Variants in MAST4 observed in about 807,000 individuals in gnomAD.
MAST4 encodes microtubule-associated serine/threonine-protein kinase 4.
A neutral mutation model predicts 162.7 loss-of-function variants in MAST4; 89 were observed. The observed-to-expected ratio is 0.55, with a 90% CI of 0.46 to 0.65. The LOEUF (loss-of-function observed/expected upper bound fraction) is 0.65, where lower values mean the gene tolerates loss of function less well. MAST4 is among the 30% of genes least tolerant of loss of function. The probability of loss-of-function intolerance (pLI) is 0.00; values close to 1 mark genes in which losing one functional copy is unlikely to be tolerated. For missense variants in MAST4, 3,153 were observed against 3,374.0 expected, an observed-to-expected ratio of 0.93 and a Z score of 1.62; for synonymous variants, 1,479 against 1,361.1, an observed-to-expected ratio of 1.09 and a Z score of -1.91.
At chr5:66,965,255 A>G (rs1295049386) in intron 4 of MAST4, among the ~76,000 whole-genome samples, 1 of 130,082 alleles carries the variant, frequency 7.7e-6, no homozygotes, top group African/African-American at 3.0e-5. Flanking sequence ...CTATCTGGAG[A>G]ATTCCTTTGC....
chr5:66,708,375 A>G (rs1750276536), intron 1 of MAST4, among the ~76,000 whole-genome samples: 1 of 152,144 alleles, frequency 6.6e-6, no homozygotes, highest in African/African-American at 2.4e-5. Context: ...GTGTGAACAA[A>G]CCTCTCATAA....
chr5:67,140,219 C>T lies in MAST4; in HGVS notation c.2495-1896C>T, dbSNP rs79331592. Among the ~76,000 whole-genome samples, 42 of 152,208 alleles carry T rather than the reference C, an allele frequency of 2.8e-4. No individual in the cohort carries two copies. The East Asian group carries it at 6.2e-3, about 22-fold the overall frequency. On this transcript the variant is annotated intron_variant, in intron 19 of 28. Transcript: ENST00000403625. ...GAGTCCAGAGATGTGTGTTGTGGGCCACTAACTAGGGCTTTCCCTACCCAA... is the reference window on the plus strand; with the variant it reads ...GAGTCCAGAGATGTGTGTTGTGGGCTACTAACTAGGGCTTTCCCTACCCAA...
At chr5:66,794,649 A>T (rs1365074359) in intron 3 of MAST4, among the ~76,000 whole-genome samples, 1 of 152,146 alleles carries the variant, frequency 6.6e-6, no homozygotes, top group Non-Finnish European at 1.5e-5. Flanking sequence ...CTTTACTCAA[A>T]ATGTGCCAAC....
intron 4 of MAST4, among the ~76,000 whole-genome samples, chr5:66,919,099 AACACACAC>A (rs56340246): frequency 2.1e-3 from 295 of 142,300 alleles, no homozygotes; most frequent in African/African-American, 6.6e-3. Flanking sequence ...CGAGACTCTC[AACACACAC>A]ACACACACAC....
intron 3 of MAST4, among the ~76,000 whole-genome samples, chr5:66,879,326 T>TA: frequency 7.1e-6 from 1 of 141,582 alleles, no homozygotes; most frequent in African/African-American, 2.6e-5. Context: ...ATATATATAT[T>TA]TTATGTGTTT....
chr5:66,728,694 T>A (rs1184624031), intron 1 of MAST4, among the ~76,000 whole-genome samples: 1 of 152,212 alleles, frequency 6.6e-6, no homozygotes, highest in Non-Finnish European at 1.5e-5. Context: ...AAAGGACACC[T>A]TCACTGGAGG....
At chr5:66,706,444 G>A (rs1750131770) in intron 1 of MAST4, among the ~76,000 whole-genome samples, 1 of 151,972 alleles carries the variant, frequency 6.6e-6, no homozygotes, top group South Asian at 2.1e-4. Context: ...AGAAGAGGCA[G>A]TATTTGAGCT....
At chr5:67,049,012 T>C (rs147582416) in intron 4 of MAST4, among the ~76,000 whole-genome samples, 1,352 of 127,582 alleles carry the variant, frequency 0.011, 56 homozygotes, top group African/African-American at 0.041. Context: ...CACACACATA[T>C]ATATATATAC....
chr5:66,866,216 C>T (rs39700), intron 3 of MAST4, among the ~76,000 whole-genome samples: 79,825 of 151,776 alleles, frequency 0.53, 22,700 homozygotes, highest in Non-Finnish European at 0.64. Flanking sequence ...TGCATTTCAG[C>T]GATGGGGAGA....
At chr5:66,911,731 C>T (rs1485827840) in intron 4 of MAST4, among the ~76,000 whole-genome samples, 2 of 151,846 alleles carry the variant, frequency 1.3e-5, no homozygotes, top group African/African-American at 4.8e-5. Flanking sequence ...GGTACCCTGT[C>T]TCTAAAAAAT....
intron 1 of MAST4, among the ~76,000 whole-genome samples, chr5:66,664,750 G>A (rs1317789273): frequency 6.6e-6 from 1 of 151,798 alleles, no homozygotes; most frequent in Non-Finnish European, 1.5e-5. Context: ...CAGAAAATGG[G>A]CACAGATTTT....
chr5:67,046,746 C>A (rs1352761990), intron 4 of MAST4, among the ~76,000 whole-genome samples: 2 of 152,126 alleles, frequency 1.3e-5, no homozygotes, highest in Non-Finnish European at 2.9e-5. Context: ...TATTGACTTT[C>A]TTCATAATTT....
At chr5:67,053,605 T>C (rs1226390727) in intron 4 of MAST4, among the ~76,000 whole-genome samples, 6 of 152,226 alleles carry the variant, frequency 3.9e-5, no homozygotes, top group African/African-American at 1.4e-4. Flanking sequence ...AATATCCACT[T>C]CACCCATCCG....
chr5:66,767,172 TGTG>T (rs1375035541), intron 2 of MAST4, among the ~76,000 whole-genome samples: 1,128 of 33,980 alleles, frequency 0.033, 14 homozygotes, highest in African/African-American at 0.073. Flanking sequence ...AAAGTGCACG[TGTG>T]TGTGTGTGTG....
intron 14 of MAST4, among the ~76,000 whole-genome samples, chr5:67,128,319 G>A (rs887668140): frequency 6.6e-5 from 10 of 152,098 alleles, no homozygotes; most frequent in South Asian, 2.1e-4. Flanking sequence ...ACCACCAGTC[G>A]GCGTGGAAAG....
At position 66,910,333 on chromosome 5, in the gene MAST4, T is replaced by C. The variant is rs1254582133; in HGVS notation, c.674+10351T>C. ...TGACAGCCACACTGGTGTGGTGTAA[T>C]GGTCCCAGCTGCAGTAACTGGCAGT... On this transcript the variant is annotated intron_variant, in intron 4 of 28. Transcript: ENST00000403625. 2.6e-5 allele frequency among the ~76,000 whole-genome samples: 4 copies of C among 152,194 alleles called. No homozygotes were observed. In the East Asian group the frequency reaches 7.7e-4, roughly 29 times the overall value.
At chr5:66,795,550 A>G (rs932648012) in intron 3 of MAST4, among the ~76,000 whole-genome samples, 1 of 152,252 alleles carries the variant, frequency 6.6e-6, no homozygotes, top group Non-Finnish European at 1.5e-5. Flanking sequence ...TCAGCAGTCA[A>G]TAGTGTTATC....
At chr5:67,132,908 CTCTAT>C (rs2150999748) in intron 16 of MAST4, among the ~76,000 whole-genome samples, 1 of 152,062 alleles carries the variant, frequency 6.6e-6, no homozygotes, top group Admixed American at 6.5e-5. Flanking sequence ...TAAAAAATAC[CTCTAT>C]TCTTTTAATT....
intron 1 of MAST4, among the ~76,000 whole-genome samples, chr5:66,750,208 T>C (rs531222022): frequency 6.6e-6 from 1 of 152,298 alleles, no homozygotes; most frequent in East Asian, 1.9e-4. Flanking sequence ...CAGATGACAT[T>C]GGTGATCCCT....
Sources: gnomAD v4.1 joint callset for allele counts (sites outside exome capture counted in the v4.1 genomes callset) on GRCh38, gnomAD v4.1.1 for gene constraint, MANE v1.5 for transcripts, NCBI Gene and HGNC (gene_info 2026-07-23, HGNC 2026-07-21) for gene names.